PGCKA1: variants seen among roughly 807,000 people sequenced by gnomAD.
The protein encoded by PGCKA1 is PDCD10 and GCKIII kinases-associated protein 1.
chr4:37,565,683 T>C, the PGCKA1 span, among the ~76,000 whole-genome samples: 1 of 152,168 alleles, frequency 6.6e-6, no homozygotes, highest in Admixed American at 6.5e-5. Context: ...GTCTAGCCAG[T>C]GCTAGAGGAA....
the PGCKA1 span, among the ~76,000 whole-genome samples, chr4:37,513,453 TCTA>T: frequency 6.6e-6 from 1 of 152,250 alleles, no homozygotes; most frequent in Non-Finnish European, 1.5e-5. Flanking sequence ...GATGGCATAT[TCTA>T]CTATGTCTTC....
At chr4:37,540,332 C>T in the PGCKA1 span, among the ~76,000 whole-genome samples, 16 of 152,058 alleles carry the variant, frequency 1.1e-4, no homozygotes, top group South Asian at 4.1e-4. Flanking sequence ...CTGAGCAGAG[C>T]GAGTGCAAAA....
chr4:37,502,643 T>C, the PGCKA1 span, among the ~76,000 whole-genome samples: 1 of 152,124 alleles, frequency 6.6e-6, no homozygotes, highest in Non-Finnish European at 1.5e-5. Context: ...ACATGGGTGC[T>C]AGCAGGGCAA....
At chr4:37,564,299 A>G in the PGCKA1 span, among the ~76,000 whole-genome samples, 5 of 151,622 alleles carry the variant, frequency 3.3e-5, no homozygotes, top group African/African-American at 9.7e-5. Context: ...AAGAAAGAAA[A>G]AAAACCGAAT....
At chr4:37,460,642 G>A in the PGCKA1 span, 6 of 444,640 alleles carry the variant, frequency 1.3e-5, no homozygotes, top group Non-Finnish European at 2.7e-5. Flanking sequence ...CTTTTGAGAA[G>A]TGTCTGTTCA....
the PGCKA1 span, among the ~76,000 whole-genome samples, chr4:37,509,498 C>G: frequency 1.3e-5 from 2 of 149,406 alleles, no homozygotes; most frequent in Non-Finnish European, 3.0e-5. Context: ...CGGGAAGAGG[C>G]GCTCCTCACT....
the PGCKA1 span, among the ~76,000 whole-genome samples, chr4:37,536,481 G>A: frequency 6.6e-6 from 1 of 152,150 alleles, no homozygotes; most frequent in South Asian, 2.1e-4. Context: ...CAGGGCTGCA[G>A]TGATCTCCAG....
chr4:37,483,936 TC>T, the PGCKA1 span, among the ~76,000 whole-genome samples: 1 of 152,228 alleles, frequency 6.6e-6, no homozygotes, highest in Non-Finnish European at 1.5e-5. Context: ...TTGACTTTTC[TC>T]TGTTTCTTTT....
the PGCKA1 span, among the ~76,000 whole-genome samples, chr4:37,581,804 C>T: frequency 2.0e-5 from 3 of 152,278 alleles, no homozygotes; most frequent in Admixed American, 6.5e-5. This position sits in a 1 kb window ranked among gnomAD's most constrained non-coding sequence, Gnocchi z 4.4. Context: ...CAGCACAGTA[C>T]TGATATCTTG....
the PGCKA1 span, among the ~76,000 whole-genome samples, chr4:37,573,726 ATAC>A: frequency 6.6e-6 from 1 of 152,172 alleles, no homozygotes; most frequent in African/African-American, 2.4e-5. Flanking sequence ...ATCTTCTTGC[ATAC>A]TACTAATTTT....
chr4:37,489,794 G>C, the PGCKA1 span, among the ~76,000 whole-genome samples: 1 of 152,098 alleles, frequency 6.6e-6, no homozygotes, highest in Non-Finnish European at 1.5e-5. Context: ...ACACTAGCAG[G>C]GTTTTTCCAG....
the PGCKA1 span, among the ~76,000 whole-genome samples, chr4:37,542,301 A>G: frequency 0.085 from 12,875 of 152,212 alleles, 596 homozygotes; most frequent in Middle Eastern, 0.12. Context: ...TTTGTCCCCA[A>G]CACCTGTGGG....
the PGCKA1 span, among the ~76,000 whole-genome samples, chr4:37,547,124 C>CTTTGGT: frequency 6.6e-6 from 1 of 151,870 alleles, no homozygotes; most frequent in African/African-American, 2.4e-5. Context: ...TTTATCGGCA[C>CTTTGGT]TTTGGTTTTG....
the PGCKA1 span, among the ~76,000 whole-genome samples, chr4:37,545,893 A>G: frequency 2.0e-5 from 3 of 152,266 alleles, no homozygotes; most frequent in African/African-American, 7.2e-5. Context: ...TTCCATGGAA[A>G]TCTGGAACTT....
chr4:37,576,736 A>G, the PGCKA1 span, among the ~76,000 whole-genome samples: 1 of 152,074 alleles, frequency 6.6e-6, no homozygotes, highest in Non-Finnish European at 1.5e-5. Context: ...GGCTTTTATT[A>G]TGTCGAGGTA....
the PGCKA1 span, among the ~76,000 whole-genome samples, chr4:37,507,931 A>G: frequency 2.6e-5 from 4 of 152,136 alleles, no homozygotes; most frequent in Admixed American, 1.3e-4. Context: ...TCATGTTTGA[A>G]GGATATTTTT....
chr4:37,541,588 G>A, the PGCKA1 span, among the ~76,000 whole-genome samples: 1 of 152,160 alleles, frequency 6.6e-6, no homozygotes, highest in African/African-American at 2.4e-5. Context: ...CCACATGGCC[G>A]CTGCCATTTT....
chr4:37,524,879 G>A, the PGCKA1 span, among the ~76,000 whole-genome samples: 685 of 152,256 alleles, frequency 4.5e-3, 6 homozygotes, highest in African/African-American at 0.015. Context: ...AGTGTAATGC[G>A]CACAGTGGGT....
chr4:37,483,583 G>A, the PGCKA1 span, among the ~76,000 whole-genome samples: 1 of 152,152 alleles, frequency 6.6e-6, no homozygotes, highest in Non-Finnish European at 1.5e-5. Context: ...TTCGCTATTA[G>A]TAAACCTGTA....
Sources: gnomAD v4.1 joint callset for allele counts (sites outside exome capture counted in the v4.1 genomes callset) on GRCh38, gnomAD v4.1.1 for gene constraint, Gnocchi (gnomAD v3.1) non-coding constraint, MANE v1.5 for transcripts, NCBI Gene and HGNC (gene_info 2026-07-23, HGNC 2026-07-21) for gene names.